UBE2D2: variants seen among roughly 807,000 people sequenced by gnomAD.
UBE2D2 encodes ubiquitin-conjugating enzyme E2 D2.
A neutral mutation model predicts 24.2 loss-of-function variants in UBE2D2; 2 were observed. The ratio of observed to expected loss-of-function variants is 0.08; its 90% CI spans 0.03 to 0.26. UBE2D2 has a LOEUF of 0.26. UBE2D2 is among the 10% of genes least tolerant of loss of function. The pLI, the probability that UBE2D2 is intolerant of heterozygous loss-of-function variation, is 1.00. For missense variants in UBE2D2, 44 were observed against 177.6 expected, an observed-to-expected ratio of 0.25 and a Z score of 4.28; for synonymous variants, 58 against 56.5, an observed-to-expected ratio of 1.03 and a Z score of -0.12.
At chr5:139,534,016 T>G (rs533412474) in intron 1 of UBE2D2, among the ~76,000 whole-genome samples, 85 of 151,640 alleles carry the variant, frequency 5.6e-4, no homozygotes, top group Non-Finnish European at 7.5e-4. Flanking sequence ...CTCTTGACCT[T>G]GTGACCCACC....
chr5:139,555,692 C>G, intron 1 of UBE2D2, among the ~76,000 whole-genome samples: 1 of 149,830 alleles, frequency 6.7e-6, no homozygotes, highest in South Asian at 2.1e-4. Flanking sequence ...TTTGGGAGGC[C>G]GAGGTGGGCA....
intron 2 of UBE2D2, among the ~76,000 whole-genome samples, chr5:139,608,017 GAA>G (rs200922337): frequency 8.4e-6 from 1 of 118,722 alleles, no homozygotes; most frequent in Non-Finnish European, 1.8e-5. Context: ...TGTCTCTTGG[GAA>G]AAAAAAAAAA....
At chr5:139,551,770 T>C (rs961181968) in intron 1 of UBE2D2, among the ~76,000 whole-genome samples, 1 of 152,214 alleles carries the variant, frequency 6.6e-6, no homozygotes, top group Non-Finnish European at 1.5e-5. Flanking sequence ...CCTAGAGGCA[T>C]GTGCCTAATC....
In UBE2D2 at chr5:139,628,026, G is replaced by C. The variant is rs183095371; in HGVS notation, c.*1225G>C. 2 of 152,728 alleles carry C rather than the reference G, an allele frequency of 1.3e-5. No individual in the cohort carries two copies. The highest frequency in any genetic ancestry group is 3.9e-4 in the East Asian group (2 of 5,194). 9.5% of individuals were successfully genotyped at this position (152,728 alleles called of 1,614,324 possible). A position where few individuals can be genotyped will look rare whatever the true frequency, so the allele number is the denominator to read the frequency against. On this transcript the variant is annotated 3_prime_UTR_variant, in exon 7 of 7. Coordinates refer to ENST00000398733, the MANE Select transcript of UBE2D2 (RefSeq NM_003339.3). Reference sequence around the variant, plus strand: ...GGTACATAGGACATAAAACACAGAGGCATTGCTATTTGGTAAGTTAAGCTT... The same window carrying C: ...GGTACATAGGACATAAAACACAGAGCCATTGCTATTTGGTAAGTTAAGCTT...
At chr5:139,562,396 G>GCA (rs1554076896) in intron 1 of UBE2D2, 2 of 1,182,058 alleles carry the variant, frequency 1.7e-6, no homozygotes, top group Non-Finnish European at 2.2e-6. Context: ...AAGTTCAGAA[G>GCA]AAAAAAAAAA....
chr5:139,548,500 T>C (rs2126637088), intron 1 of UBE2D2, among the ~76,000 whole-genome samples: 1 of 152,226 alleles, frequency 6.6e-6, no homozygotes, highest in Non-Finnish European at 1.5e-5. Flanking sequence ...TTGAGGCCTC[T>C]GGGAACCCAA....
At chr5:139,561,293 G>C (rs1753075134), upstream of UBE2D2, 1 of 151,144 alleles carries the variant, frequency 6.6e-6, no homozygotes, top group Non-Finnish European at 1.5e-5. Flanking sequence ...GCCAATCCCC[G>C]CGCCTCCCGA....
chr5:139,535,356 T>C (rs1752655617), intron 1 of UBE2D2, among the ~76,000 whole-genome samples: 1 of 148,964 alleles, frequency 6.7e-6, no homozygotes, highest in African/African-American at 2.5e-5. Context: ...CATGGGAGGC[T>C]GAGGCAGGAG....
chr5:139,622,073 G>A (rs1754522008), intron 5 of UBE2D2, among the ~76,000 whole-genome samples: 1 of 151,992 alleles, frequency 6.6e-6, no homozygotes, highest in Non-Finnish European at 1.5e-5. Flanking sequence ...CACCTGTCTG[G>A]GCCAGCTCCC....
At chr5:139,539,496 A>G (rs1752728748) in intron 1 of UBE2D2, among the ~76,000 whole-genome samples, 1 of 152,140 alleles carries the variant, frequency 6.6e-6, no homozygotes, top group South Asian at 2.1e-4. Flanking sequence ...TGGTGATAGA[A>G]TAGTTCTGTA....
At chr5:139,541,887 A>G (rs1341618583) in intron 1 of UBE2D2, among the ~76,000 whole-genome samples, 1 of 152,068 alleles carries the variant, frequency 6.6e-6, no homozygotes, top group Non-Finnish European at 1.5e-5. Context: ...CCCTGTCTCT[A>G]CTAAAAATAC....
At chr5:139,573,989 T>TA in intron 1 of UBE2D2, among the ~76,000 whole-genome samples, 2 of 151,290 alleles carry the variant, frequency 1.3e-5, no homozygotes, top group African/African-American at 4.9e-5. Flanking sequence ...AATAAATAAA[T>TA]AATAAAAAAT....
At chr5:139,541,041 TA>T (rs1426584435) in intron 1 of UBE2D2, among the ~76,000 whole-genome samples, 1 of 151,838 alleles carries the variant, frequency 6.6e-6, no homozygotes, top group African/African-American at 2.4e-5. Context: ...CTCATCCCTG[TA>T]ATCCCAACCC....
At chr5:139,573,301 CAAAAAAAAAAAGA>C (rs940945116) in intron 1 of UBE2D2, among the ~76,000 whole-genome samples, 5 of 95,022 alleles carry the variant, frequency 5.3e-5, no homozygotes, top group Non-Finnish European at 4.3e-5. Flanking sequence ...AACTCCATCT[CAAAAAAAAAAAGA>C]AAAAAAAAAA....
chr5:139,539,639 G>A (rs922571821), intron 1 of UBE2D2, among the ~76,000 whole-genome samples: 26 of 151,516 alleles, frequency 1.7e-4, no homozygotes, highest in African/African-American at 6.3e-4. Context: ...TCACCCAGGC[G>A]GGAGTGCAGT....
intron 5 of UBE2D2, among the ~76,000 whole-genome samples, chr5:139,618,442 C>G (rs1754458680): frequency 6.6e-6 from 1 of 152,074 alleles, no homozygotes; most frequent in Non-Finnish European, 1.5e-5. Flanking sequence ...TTGGTAGGCC[C>G]CCTTACAATT....
At chr5:139,585,907 A>G (rs1484989621) in intron 1 of UBE2D2, among the ~76,000 whole-genome samples, 1 of 141,438 alleles carries the variant, frequency 7.1e-6, no homozygotes, top group Admixed American at 7.4e-5. Context: ...ACTGCACTCC[A>G]GCCTGGCAAC....
At position 139,536,161 on chromosome 5, in the gene UBE2D2, G is replaced by A. The variant is rs535509962; in HGVS notation, c.-64+9549G>A. The stretch of plus-strand genomic sequence containing the variant: ...GTTGCCCAGGCTAGAGTGCAATGGC[G>A]TGATCTCAGCTTACCACAACCTCCA... On this transcript the variant is annotated intron_variant, in intron 1 of 6. Transcript: ENST00000511725. Among the ~76,000 whole-genome samples, 51 of 152,104 alleles carry A rather than the reference G, an allele frequency of 3.4e-4. 1 individual carries two copies. The highest frequency in any genetic ancestry group is 2.4e-4 in the African/African-American group (10 of 41,506).
rs1554077853 is a variant in UBE2D2, at chr5:139,574,744, A to AAAAAAAAG, written c.24+12936_24+12937insGAAAAAAA. 5.2e-3 allele frequency among the ~76,000 whole-genome samples: 773 copies of AAAAAAAAG among 149,570 alleles called. 13 individuals are homozygous for AAAAAAAAG. Among genetic ancestry groups the AAAAAAAAG allele is most frequent in the African/African-American group, 0.016 (671 of 41,194 alleles). On this transcript the variant is annotated intron_variant, in intron 1 of 6. Transcript: ENST00000398733. ...ATATCAGGTGGGGTGGCAAAAAAAAAAAAAAAAAAGAAAAGAAAAGGTGGA... is the reference window on the plus strand; with the variant it reads ...ATATCAGGTGGGGTGGCAAAAAAAAAAAAAAAAGAAAAAAAAAGAAAAGAAAAGGTGGA...
Sources: allele counts gnomAD v4.1 joint callset (sites outside exome capture counted in the v4.1 genomes callset), GRCh38; gene constraint gnomAD v4.1.1; transcripts MANE v1.5; gene names NCBI Gene and HGNC (gene_info 2026-07-23, HGNC 2026-07-21).